CDH12: variants seen among roughly 807,000 people sequenced by gnomAD.
CDH12 encodes the protein cadherin 12.
CDH12 carries 41 observed loss-of-function variants against 74.1 expected under a neutral mutation model. That is an observed-to-expected ratio of 0.55 (90% CI 0.43 to 0.72). CDH12 has a LOEUF of 0.72. Among genes scored for constraint, CDH12 ranks in the 30% least tolerant of loss-of-function variants. CDH12 has a pLI of 0.00. For synonymous variants in CDH12, 399 were observed against 355.0 expected, an observed-to-expected ratio of 1.12 and a Z score of -1.39; for missense variants, 945 against 977.2, an observed-to-expected ratio of 0.97 and a Z score of 0.44.
At chr5:22,209,779 T>A (rs888635991) in intron 4 of CDH12, among the ~76,000 whole-genome samples, 1 of 152,028 alleles carries the variant, frequency 6.6e-6, no homozygotes, top group Non-Finnish European at 1.5e-5. Flanking sequence ...GTTCTGAAGG[T>A]AATATGATTA....
chr5:22,760,965 A>T (rs1746197461), intron 1 of CDH12, among the ~76,000 whole-genome samples: 2 of 152,186 alleles, frequency 1.3e-5, no homozygotes, highest in South Asian at 4.1e-4. Context: ...TAAATTTTAA[A>T]ATACTCTCCA....
chr5:22,244,182 CA>C (rs944312408), intron 3 of CDH12, among the ~76,000 whole-genome samples: 2 of 151,902 alleles, frequency 1.3e-5, no homozygotes, highest in Non-Finnish European at 2.9e-5. Flanking sequence ...ATGGTGCTAA[CA>C]AACCATAGAA....
intron 10 of CDH12, among the ~76,000 whole-genome samples, chr5:21,798,938 A>G (rs1746957833): frequency 6.6e-6 from 1 of 152,176 alleles, no homozygotes; most frequent in African/African-American, 2.4e-5. Context: ...TGGCTCTGAA[A>G]CTGAGTAAGG....
At chr5:22,261,041 CTA>C (rs1293197259) in intron 3 of CDH12, among the ~76,000 whole-genome samples, 6 of 144,678 alleles carry the variant, frequency 4.1e-5, no homozygotes, top group African/African-American at 7.4e-5. Flanking sequence ...CTACCTAAGA[CTA>C]TATATATATG....
intron 6 of CDH12, among the ~76,000 whole-genome samples, chr5:21,914,756 T>C (rs1455527748): frequency 6.6e-6 from 1 of 152,226 alleles, no homozygotes; most frequent in African/African-American, 2.4e-5. Flanking sequence ...AGTCAACTGA[T>C]AATGGATGTT....
At chr5:22,366,204 G>C (rs1314961356) in intron 3 of CDH12, among the ~76,000 whole-genome samples, 3 of 151,982 alleles carry the variant, frequency 2.0e-5, no homozygotes, top group African/African-American at 7.2e-5. Flanking sequence ...TGATCCACCT[G>C]TCTTGGCTTC....
At chr5:22,550,287 A>T (rs1472237623) in intron 1 of CDH12, among the ~76,000 whole-genome samples, 2 of 152,128 alleles carry the variant, frequency 1.3e-5, no homozygotes, top group Non-Finnish European at 2.9e-5. Flanking sequence ...TATCATTTGT[A>T]TCTTGAACAC....
chr5:21,951,795 TGAA>T (rs1198586844), intron 6 of CDH12, among the ~76,000 whole-genome samples: 1 of 152,206 alleles, frequency 6.6e-6, no homozygotes, highest in Non-Finnish European at 1.5e-5. Flanking sequence ...TTAGCTCTTT[TGAA>T]GAAGAAGAGG....
chr5:22,053,749 T>A lies in CDH12; in HGVS notation c.231+24697A>T, dbSNP rs147529311. ...AAACACTCGATGATAGGTGTAATTA[T>A]GACTAACGTTAGAGCTCGCCTCTTA... On this transcript the variant is annotated intron_variant, in intron 5 of 14. Transcript: ENST00000382254. Among the ~76,000 whole-genome samples, 1,037 of 152,258 alleles carry A rather than the reference T, an allele frequency of 6.8e-3. 5 individuals carry two copies. Among genetic ancestry groups the A allele is most frequent in the Non-Finnish European group, 1.0e-2 (677 of 68,022 alleles).
intron 4 of CDH12, among the ~76,000 whole-genome samples, chr5:22,133,241 T>C (rs1411712587): frequency 6.6e-6 from 1 of 152,150 alleles, no homozygotes; most frequent in Non-Finnish European, 1.5e-5. Flanking sequence ...CTAGAAGGTA[T>C]CTGGGTCTTC....
chr5:21,866,170 T>C (rs2150013109), intron 6 of CDH12, among the ~76,000 whole-genome samples: 1 of 152,310 alleles, frequency 6.6e-6, no homozygotes, highest in South Asian at 2.1e-4. Flanking sequence ...CTTTCTTTTG[T>C]AAATTGCCCA....
chr5:22,065,643 C>G (rs545042597), intron 5 of CDH12, among the ~76,000 whole-genome samples: 4 of 152,202 alleles, frequency 2.6e-5, no homozygotes, highest in African/African-American at 9.6e-5. Context: ...CTTTCACCAC[C>G]ACAGACAGAA....
chr5:21,890,588 T>C (rs1038460218), intron 6 of CDH12, among the ~76,000 whole-genome samples: 3 of 152,110 alleles, frequency 2.0e-5, no homozygotes, highest in African/African-American at 4.8e-5. Context: ...AAAATAATTA[T>C]GTGTTTTACA....
At chr5:21,824,314 C>A (rs1748540551) in intron 8 of CDH12, among the ~76,000 whole-genome samples, 1 of 152,158 alleles carries the variant, frequency 6.6e-6, no homozygotes. Context: ...TTTTGCTTCT[C>A]TGGAGCTGCA....
intron 4 of CDH12, among the ~76,000 whole-genome samples, chr5:22,147,304 T>A (rs528805963): frequency 6.5e-4 from 99 of 152,288 alleles, no homozygotes; most frequent in African/African-American, 2.3e-3. Context: ...CAGTTTATAA[T>A]GCATTCTTGT....
At chr5:22,791,571 C>T (rs1172941931) in intron 1 of CDH12, among the ~76,000 whole-genome samples, 2 of 152,066 alleles carry the variant, frequency 1.3e-5, no homozygotes, top group East Asian at 3.9e-4. Flanking sequence ...TCATTTTGTT[C>T]CATAGTAACT....
At chr5:22,229,840 A>G (rs1752324689) in intron 3 of CDH12, among the ~76,000 whole-genome samples, 1 of 151,952 alleles carries the variant, frequency 6.6e-6, no homozygotes, top group South Asian at 2.1e-4. Flanking sequence ...AAGCCAGAGT[A>G]GGTGACCTTT....
At chr5:22,160,877 T>G (rs1748303464) in intron 4 of CDH12, among the ~76,000 whole-genome samples, 1 of 152,118 alleles carries the variant, frequency 6.6e-6, no homozygotes, top group African/African-American at 2.4e-5. Flanking sequence ...ACATACAAGT[T>G]TGGGGGAAAA....
At chr5:22,474,584 T>C (rs998021892) in intron 2 of CDH12, among the ~76,000 whole-genome samples, 5 of 152,110 alleles carry the variant, frequency 3.3e-5, no homozygotes, top group Non-Finnish European at 5.9e-5. Flanking sequence ...GGTAGAGTTA[T>C]GGTGATGAAC....
Sources: allele counts gnomAD v4.1 joint callset (sites outside exome capture counted in the v4.1 genomes callset), GRCh38; gene constraint gnomAD v4.1.1; transcripts MANE v1.5; gene names NCBI Gene and HGNC (gene_info 2026-07-23, HGNC 2026-07-21).